The following DAB2IP variants were observed in gnomAD, a reference collection of about 807,000 sequenced individuals.
DAB2IP encodes disabled homolog 2-interacting protein.
A neutral mutation model predicts 107.2 loss-of-function variants in DAB2IP; 28 were observed. That is an observed-to-expected ratio of 0.26 (90% confidence interval 0.19 to 0.36). The LOEUF (loss-of-function observed/expected upper bound fraction) is 0.36. DAB2IP is among the 10% of genes least tolerant of loss of function. The probability of loss-of-function intolerance (pLI) is 1.00; values close to 1 mark genes in which losing one functional copy is unlikely to be tolerated. For missense variants in DAB2IP, 1,400 were observed against 1,644.7 expected, an observed-to-expected ratio of 0.85 and a Z score of 2.57; for synonymous variants, 755 against 706.4, an observed-to-expected ratio of 1.07 and a Z score of -1.09.
intron 2 of DAB2IP, among the ~76,000 whole-genome samples, chr9:121,689,250 C>T (rs773578860): frequency 3.3e-5 from 5 of 150,918 alleles, no homozygotes; most frequent in Middle Eastern, 3.2e-3. Flanking sequence ...GCTGAGATCG[C>T]GCCACTACAC....
At chr9:121,666,064 G>A (rs573074266) in intron 1 of DAB2IP, among the ~76,000 whole-genome samples, 1 of 152,210 alleles carries the variant, frequency 6.6e-6, no homozygotes, top group Non-Finnish European at 1.5e-5. Context: ...AAATCAAGGT[G>A]TCAGCAGGGC....
At chr9:121,592,769 A>C (rs1332842624) in intron 1 of DAB2IP, among the ~76,000 whole-genome samples, 4 of 152,166 alleles carry the variant, frequency 2.6e-5, no homozygotes, top group Non-Finnish European at 5.9e-5. Context: ...TTGGCAAATC[A>C]CTCCAGACAC....
intron 1 of DAB2IP, among the ~76,000 whole-genome samples, chr9:121,588,920 T>C (rs1318159220): frequency 6.7e-6 from 1 of 149,296 alleles, no homozygotes; most frequent in Admixed American, 6.7e-5. Context: ...CCTAGGGGAG[T>C]GAGACCTTTA....
In DAB2IP at chr9:121,651,749, C is replaced by T; in HGVS notation, c.-27C>T. On this transcript the variant is annotated 5_prime_UTR_variant, in exon 1 of 16. Coordinates refer to ENST00000408936, the Ensembl canonical transcript of DAB2IP. This position sits in a 1 kb window ranked among gnomAD's most constrained non-coding sequence, Gnocchi z 5.1. ...GGGGCCCGTGTGAGCGCGCCCAGGC[C>T]CGGCCCGGTGCCCGGCGGGCGGCAG... 6.1e-6 allele frequency: 8 copies of T among 1,308,608 alleles called. No individual in the cohort carries two copies. The highest frequency in any genetic ancestry group is 7.8e-6 in the Non-Finnish European group (8 of 1,024,136). 81.1% of individuals were successfully genotyped at this position (1,308,608 alleles called of 1,614,324 possible). A position where few individuals can be genotyped will look rare whatever the true frequency, so the allele number is the denominator to read the frequency against.
At chr9:121,660,657 G>A (rs1833161181) in intron 1 of DAB2IP, among the ~76,000 whole-genome samples, 2 of 152,196 alleles carry the variant, frequency 1.3e-5, no homozygotes, top group South Asian at 4.1e-4. Context: ...AATGAGGACT[G>A]TAAGGGCATT....
rs1162705293 is a variant in DAB2IP at position 121,633,741 on chromosome 9, G to T, written c.41-44937G>T. Reference sequence around the variant, plus strand: ...TGTGCCTCATTCTGGACCGTTGTGGGAGATTTAAGGCTCAGCTAAGGGGAC... The same window carrying T: ...TGTGCCTCATTCTGGACCGTTGTGGTAGATTTAAGGCTCAGCTAAGGGGAC... On this transcript the variant is annotated intron_variant, in intron 1 of 16. Transcript: ENST00000259371. This position sits in a 1 kb window ranked among gnomAD's most constrained non-coding sequence, Gnocchi z 5.1. 3.9e-5 allele frequency among the ~76,000 whole-genome samples: 6 copies of T among 152,148 alleles called. No homozygotes were observed. The highest frequency in any genetic ancestry group is 3.3e-4 in the Admixed American group (5 of 15,278).
chr9:121,779,918 C>G (rs1835478497), intron 14 of DAB2IP, among the ~76,000 whole-genome samples: 1 of 152,264 alleles, frequency 6.6e-6, no homozygotes, highest in Non-Finnish European at 1.5e-5. Context: ...GTCTCCTCAA[C>G]TCAGTGAGGC....
rs951424447 is a variant in DAB2IP, at chr9:121,599,706, G to A, written c.40+32478G>A. Among the ~76,000 whole-genome samples the A allele has an allele frequency of 1.4e-4, 21 of 152,104 alleles. No homozygotes were observed. The highest frequency in any genetic ancestry group is 2.4e-4 in the Non-Finnish European group (16 of 67,998). On this transcript the variant is annotated intron_variant, in intron 1 of 16. Coordinates refer to the DAB2IP transcript ENST00000259371. This position sits in a 1 kb window ranked among gnomAD's most constrained non-coding sequence, Gnocchi z 6.9. ...CGCCGCTTCGCAACCCTGGCCCTGG[G>A]CCGCTCAGGCTCCGGAGCCTTTGGG...
At chr9:121,627,695 G>T (rs535615159) in intron 1 of DAB2IP, among the ~76,000 whole-genome samples, 2 of 152,368 alleles carry the variant, frequency 1.3e-5, no homozygotes, top group East Asian at 3.9e-4. Flanking sequence ...TCTAGCCAAT[G>T]CGTGGGAGGC....
At position 121,701,137 on chromosome 9, in the gene DAB2IP, TGTG is replaced by T; in HGVS notation, c.362+1685_362+1687del. ...GTGTACGTACCCCGTTTTGTGTGCA[TGTG>T]GTGGTTGTCCGGGGAGCAGGAGAGA... On this transcript the variant is annotated intron_variant, in intron 3 of 15. Coordinates refer to ENST00000408936, the Ensembl canonical transcript of DAB2IP. This position sits in a 1 kb window ranked among gnomAD's most constrained non-coding sequence, Gnocchi z 4.7. Among the ~76,000 whole-genome samples, 1 of 152,252 alleles carries T rather than the reference TGTG, an allele frequency of 6.6e-6. No individual in the cohort carries two copies. The highest frequency in any genetic ancestry group is 1.5e-5 in the Non-Finnish European group (1 of 68,004).
chr9:121,678,788 A>G lies in DAB2IP; in HGVS notation c.228+7A>G. 3 of 1,568,104 alleles carry G rather than the reference A, an allele frequency of 1.9e-6. No homozygotes were observed. Among genetic ancestry groups the G allele is most frequent in the Non-Finnish European group, 2.6e-6 (3 of 1,153,770 alleles). On this transcript the variant is annotated splice_region_variant and intron_variant, in intron 2 of 15. Coordinates refer to ENST00000408936, the Ensembl canonical transcript of DAB2IP. ...CACGCCGTTCCGGGTCACGGTAACTATCTCTGCGTCACCAACACCGCCACT... is the reference window on the plus strand; with the variant it reads ...CACGCCGTTCCGGGTCACGGTAACTGTCTCTGCGTCACCAACACCGCCACT...
chr9:121,632,057 A>G (rs1308852284), intron 1 of DAB2IP, among the ~76,000 whole-genome samples: 1 of 152,110 alleles, frequency 6.6e-6, no homozygotes, highest in Non-Finnish European at 1.5e-5. Context: ...GGGGAGAGAC[A>G]GGGGCCGTCC....
At chr9:121,608,396 G>A (rs1380428201) in intron 1 of DAB2IP, among the ~76,000 whole-genome samples, 1 of 152,176 alleles carries the variant, frequency 6.6e-6, no homozygotes, top group East Asian at 1.9e-4. Flanking sequence ...GAGGGAAGCG[G>A]GTTGGTGGAA....
chr9:121,637,937 A>T (rs1271642784), intron 1 of DAB2IP, among the ~76,000 whole-genome samples: 1 of 152,080 alleles, frequency 6.6e-6, no homozygotes, highest in Non-Finnish European at 1.5e-5. Context: ...CAGGTTCATG[A>T]TGCACGAGGC....
intron 2 of DAB2IP, among the ~76,000 whole-genome samples, chr9:121,693,559 T>A (rs1829268881): frequency 6.6e-6 from 1 of 152,220 alleles, no homozygotes; most frequent in South Asian, 2.1e-4. Flanking sequence ...TCTTTGGGGA[T>A]GGGCCTTAGA....
intron 6 of DAB2IP, among the ~76,000 whole-genome samples, chr9:121,762,380 A>G (rs1029814282): frequency 6.6e-6 from 1 of 151,968 alleles, no homozygotes; most frequent in African/African-American, 2.4e-5. Flanking sequence ...CCCGGGGGAG[A>G]TGCACCTCTG....
chr9:121,782,549 C>T lies in DAB2IP; in HGVS notation c.*51C>T. On this transcript the variant is annotated 3_prime_UTR_variant, in exon 16 of 16. Coordinates refer to ENST00000408936, the Ensembl canonical transcript of DAB2IP. This position sits in a 1 kb window ranked among gnomAD's most constrained non-coding sequence, Gnocchi z 6.1. The stretch of plus-strand genomic sequence containing the variant: ...CCAAGGAGAGGGGGACTATGGTGGC[C>T]AAGGGCAGGGTCTCGGCCTGGGGAG... 6.3e-7 allele frequency: 1 copy of T among 1,595,890 alleles called. No individual in the cohort carries two copies. The highest frequency in any genetic ancestry group is 8.6e-7 in the Non-Finnish European group (1 of 1,167,630).
chr9:121,745,864 G>A (rs1410267959), intron 3 of DAB2IP, among the ~76,000 whole-genome samples: 2 of 152,210 alleles, frequency 1.3e-5, no homozygotes, highest in Non-Finnish European at 2.9e-5. Flanking sequence ...AATGGTGGCT[G>A]GAATTGAAGA....
chr9:121,658,166 A>C (rs1354022561), intron 1 of DAB2IP, among the ~76,000 whole-genome samples: 1 of 152,172 alleles, frequency 6.6e-6, no homozygotes, highest in Non-Finnish European at 1.5e-5. Flanking sequence ...CCCAGGCTGC[A>C]TACGTGTTTT....
Sources: gnomAD v4.1 joint callset for allele counts (sites outside exome capture counted in the v4.1 genomes callset) on GRCh38, gnomAD v4.1.1 for gene constraint, Gnocchi (gnomAD v3.1) non-coding constraint, MANE v1.5 for transcripts, NCBI Gene and HGNC (gene_info 2026-07-23, HGNC 2026-07-21) for gene names.